Variants in GON4L observed in about 807,000 individuals in gnomAD.
GON4L encodes the protein gon-4 like, also known as GON-4-like protein.
Under a neutral mutation model 211.8 loss-of-function variants are expected in GON4L, and 87 were observed. That is an observed-to-expected ratio of 0.41 (90% CI 0.35 to 0.49). The LOEUF is 0.49. Ranked by LOEUF, GON4L falls within the 20% of genes least tolerant of loss-of-function variation. The pLI is 0.15. For synonymous variants in GON4L, 875 were observed against 962.6 expected, an observed-to-expected ratio of 0.91 and a Z score of 1.68; for missense variants, 2,155 against 2,659.5, an observed-to-expected ratio of 0.81 and a Z score of 4.17.
At chr1:155,853,135 G>A in intron 2 of GON4L, 141 bp downstream of exon 2, 1 of 816,448 alleles carries the variant, frequency 1.2e-6, no homozygotes, top group Non-Finnish European at 2.1e-6. Flanking sequence ...GTTCACTGTT[G>A]ACCCTTAGCA....
chr1:155,747,985 G>C (rs1203373777), downstream of GON4L: 5 of 1,590,838 alleles, frequency 3.1e-6, no homozygotes, highest in African/African-American at 5.4e-5. Context: ...AGGAGGCCCA[G>C]AGAAACATCT....
At position 155,826,953 on chromosome 1, in the gene GON4L, T is replaced by C. The variant is rs1453706131; in HGVS notation, c.581A>G (p.Gln194Arg). 1 of 1,613,952 alleles carries C rather than the reference T, an allele frequency of 6.2e-7. No homozygotes were observed. The highest frequency in any genetic ancestry group is 1.3e-5 in the African/African-American group (1 of 74,938). ...SGSQSAKPVS[Q>R]PRKSTQPDVC... ...ATCTGGCTGGGTTGATTTCCTGGGC[T>C]GGCTTACTGGTTTTGCAGATTGGCT... Residue 194 changes from glutamine to arginine, a missense_variant, in exon 3 of 32, where the codon CAG becomes CGG. Physicochemically the swap from Gln to Arg is conservative, Grantham distance 43. This residue lies in a region of GON4L where 313 missense variants were observed against 293.2 expected (regional missense o/e 1.07). Coordinates refer to ENST00000368331, the MANE Select transcript of GON4L (RefSeq NM_001282860.2).
At chr1:155,850,727 C>G (rs1010995014) in intron 2 of GON4L, among the ~76,000 whole-genome samples, 1 of 151,802 alleles carries the variant, frequency 6.6e-6, no homozygotes, top group African/African-American at 2.4e-5. Context: ...ACTTAAAATG[C>G]GGCAAAAAAG....
chr1:155,826,602 T>C (rs998608213), intron 3 of GON4L, among the ~76,000 whole-genome samples: 1 of 151,380 alleles, frequency 6.6e-6, no homozygotes, highest in East Asian at 1.9e-4. Flanking sequence ...CAATATATGA[T>C]GCTAGACATC....
At chr1:155,803,722 T>C (rs974504197) in intron 11 of GON4L, among the ~76,000 whole-genome samples, 3 of 152,212 alleles carry the variant, frequency 2.0e-5, no homozygotes, top group Non-Finnish European at 2.9e-5. Context: ...ACCAAGAGAC[T>C]GGGCATGAGA....
chr1:155,827,887 T>G (rs771141704), intron 2 of GON4L, among the ~76,000 whole-genome samples: 3 of 152,132 alleles, frequency 2.0e-5, no homozygotes, highest in Non-Finnish European at 4.4e-5. Flanking sequence ...CTCACACCTG[T>G]AATCCCATTA....
At chr1:155,858,703 ATTT>A (rs61526659), upstream of GON4L, among the ~76,000 whole-genome samples, 4,054 of 89,286 alleles carry the variant, frequency 0.045, 109 homozygotes, top group Non-Finnish European at 0.06. Context: ...GTACAACCAA[ATTT>A]TTTTTTTTTT....
At chr1:155,785,062 TG>T in intron 13 of GON4L, 2 of 484,676 alleles carry the variant, frequency 4.1e-6, no homozygotes, top group Admixed American at 5.5e-5. Flanking sequence ...ATTTCACCAC[TG>T]CACTCTGGCT....
At chr1:155,804,640 G>A (rs928890282) in intron 11 of GON4L, among the ~76,000 whole-genome samples, 4 of 151,500 alleles carry the variant, frequency 2.6e-5, no homozygotes, top group Non-Finnish European at 5.9e-5. Context: ...AAAATTAGTC[G>A]GGCACAGTGG....
chr1:155,747,662 G>A, downstream of GON4L: 1 of 1,613,988 alleles, frequency 6.2e-7, no homozygotes, highest in Non-Finnish European at 8.5e-7. Context: ...TCTACGTGGA[G>A]GAATGTGACT....
At chr1:155,754,524 GT>G (rs760971402) in intron 27 of GON4L, 36 bp from the exon 28 acceptor site, 70,443 of 464,282 alleles carry the variant, frequency 0.15, 64 homozygotes, top group Middle Eastern at 0.17. Flanking sequence ...CTGCCAAGTT[GT>G]TTTTTTTTTT....
At chr1:155,826,075 T>C (rs573370725) in intron 3 of GON4L, among the ~76,000 whole-genome samples, 6 of 152,038 alleles carry the variant, frequency 3.9e-5, no homozygotes, top group African/African-American at 1.4e-4. Context: ...TAGCTGGCTG[T>C]GACGGCACGC....
chr1:155,785,848 G>A (rs1278481180), intron 12 of GON4L, among the ~76,000 whole-genome samples: 1 of 152,144 alleles, frequency 6.6e-6, no homozygotes, highest in Non-Finnish European at 1.5e-5. Context: ...TGTAATCTCA[G>A]CACTTTGGGA....
At chr1:155,774,705 C>T (rs1663596523) in intron 17 of GON4L, 1 of 488,876 alleles carries the variant, frequency 2.0e-6, no homozygotes, top group South Asian at 2.1e-5. Flanking sequence ...CGATCTGACT[C>T]CTAATACTTA....
At chr1:155,848,780 C>CA (rs546007914) in intron 2 of GON4L, among the ~76,000 whole-genome samples, 8 of 150,614 alleles carry the variant, frequency 5.3e-5, no homozygotes, top group African/African-American at 7.3e-5. Flanking sequence ...CATTTTCAGA[C>CA]AAAAAAAAAT....
chr1:155,811,387 G>C (rs1248256111), intron 10 of GON4L, among the ~76,000 whole-genome samples: 1 of 43,378 alleles, frequency 2.3e-5, no homozygotes, highest in Non-Finnish European at 3.7e-5. Context: ...GCAAGACTCC[G>C]TCTCAAAAAA....
At chr1:155,797,537 T>C (rs1320599859) in intron 11 of GON4L, among the ~76,000 whole-genome samples, 1 of 151,642 alleles carries the variant, frequency 6.6e-6, no homozygotes, top group Non-Finnish European at 1.5e-5. Context: ...ACATCTTTTG[T>C]TATAAACAGA....
At chr1:155,771,299 C>T (rs969901915) in intron 18 of GON4L, 82 bp from the exon 19 acceptor site, 5 of 1,583,260 alleles carry the variant, frequency 3.2e-6, no homozygotes, top group Non-Finnish European at 4.3e-6. Flanking sequence ...ATTTTACAAT[C>T]TACTCTTTCA....
chr1:155,818,270 C>T (rs1322360903), intron 6 of GON4L, among the ~76,000 whole-genome samples: 2 of 152,062 alleles, frequency 1.3e-5, no homozygotes, highest in Non-Finnish European at 2.9e-5. Context: ...CCACCACACG[C>T]CCAGCTAACT....
Sources: allele counts gnomAD v4.1 joint callset (sites outside exome capture counted in the v4.1 genomes callset), GRCh38; gene constraint gnomAD v4.1.1; regional missense constraint gnomAD v4.1.1; transcripts MANE v1.5; gene names NCBI Gene and HGNC (gene_info 2026-07-23, HGNC 2026-07-21).